WDR70: variants seen among roughly 807,000 people sequenced by gnomAD.
WDR70 encodes the protein WD repeat-containing protein 70.
In WDR70, 53 loss-of-function variants were observed where a neutral mutation model predicts 88.6. The ratio of observed to expected loss-of-function variants is 0.60; its 90% confidence interval spans 0.48 to 0.75. WDR70 has a LOEUF of 0.75. Ranked by LOEUF, WDR70 falls within the 30% of genes least tolerant of loss-of-function variation. The pLI is 0.00. For missense variants in WDR70, 610 were observed against 823.2 expected, an observed-to-expected ratio of 0.74 and a Z score of 3.17; for synonymous variants, 280 against 270.0, an observed-to-expected ratio of 1.04 and a Z score of -0.36.
rs1740890082 is a variant in WDR70 at position 37,516,547 on chromosome 5, C to T, written c.874C>T (p.His292Tyr). The T allele has an allele frequency of 6.2e-7, 1 of 1,606,128 alleles. No individual in the cohort carries two copies. The highest frequency in any genetic ancestry group is 8.5e-7 in the Non-Finnish European group (1 of 1,174,856). The change falls in exon 9 of 18, where the codon CAT becomes TAT. Residue 292 changes from histidine to tyrosine, a missense_variant. Physicochemically the swap from His to Tyr is moderately conservative, Grantham distance 83. This residue lies in a region of WDR70 where 83 missense variants were observed against 155.3 expected (regional missense o/e 0.53). Coordinates refer to ENST00000265107, the MANE Select transcript of WDR70 (RefSeq NM_018034.4). ...HTAMLHTGSW[H>Y]PKIKGEFMTC... is the part of the protein sequence containing the mutation. ...AGCAATGCTTCATACTGGCTCATGG[C>T]ATCCCAAAATAAAGGGAGAATTTAT...
At chr5:37,414,603 T>G (rs1749636407) in intron 5 of WDR70, among the ~76,000 whole-genome samples, 1 of 130,284 alleles carries the variant, frequency 7.7e-6, no homozygotes, top group Non-Finnish European at 1.5e-5. Flanking sequence ...GACAGTCTGT[T>G]TTTTTTTTTT....
At chr5:37,675,016 C>T (rs1354875495) in intron 10 of WDR70, among the ~76,000 whole-genome samples, 3 of 151,406 alleles carry the variant, frequency 2.0e-5, no homozygotes, top group Admixed American at 1.3e-4. Flanking sequence ...TGTTTTTTGG[C>T]TGCATAAATG....
At chr5:37,502,489 C>T (rs1172185820) in intron 8 of WDR70, among the ~76,000 whole-genome samples, 1 of 152,078 alleles carries the variant, frequency 6.6e-6, no homozygotes, top group East Asian at 1.9e-4. Context: ...TTGTTTTTAT[C>T]ATAAAGGGAT....
At chr5:37,709,901 G>T (rs1327311878) in intron 13 of WDR70, among the ~76,000 whole-genome samples, 1 of 152,066 alleles carries the variant, frequency 6.6e-6, no homozygotes, top group Non-Finnish European at 1.5e-5. Context: ...TAATTTAAAT[G>T]GGAATTTGAA....
intron 9 of WDR70, among the ~76,000 whole-genome samples, chr5:37,544,691 A>G (rs1741933652): frequency 6.6e-6 from 1 of 152,198 alleles, no homozygotes; most frequent in Non-Finnish European, 1.5e-5. Context: ...TTGATTCCCA[A>G]GATTCTAACC....
chr5:37,392,168 GTTTA>G (rs749060811), intron 4 of WDR70, 48 bp downstream of exon 4: 129 of 1,404,454 alleles, frequency 9.2e-5, no homozygotes, highest in Non-Finnish European at 1.2e-4. Flanking sequence ...GTTTCTAGGT[GTTTA>G]TAGAGTTTTT....
intron 3 of WDR70, among the ~76,000 whole-genome samples, chr5:37,381,982 G>A (rs1748439788): frequency 7.0e-6 from 1 of 143,216 alleles, no homozygotes; most frequent in East Asian, 2.2e-4. Context: ...GAAGTCGGGA[G>A]GCAGAGGTTG....
At chr5:37,701,254 TGAGA>T (rs775804900) in intron 12 of WDR70, 112 bp downstream of exon 12, 70 of 669,496 alleles carry the variant, frequency 1.0e-4, no homozygotes, top group African/African-American at 1.7e-4. Flanking sequence ...AAAAGAGACT[TGAGA>T]GAGTGATCAA....
intron 5 of WDR70, among the ~76,000 whole-genome samples, chr5:37,424,225 T>C (rs1200835087): frequency 6.6e-6 from 1 of 150,632 alleles, no homozygotes; most frequent in African/African-American, 2.4e-5. Context: ...TTGTGTGTTT[T>C]TGGAATTAAA....
At chr5:37,643,808 T>A (rs62360879) in intron 10 of WDR70, among the ~76,000 whole-genome samples, 3,244 of 152,190 alleles carry the variant, frequency 0.021, 50 homozygotes, top group Middle Eastern at 0.038. Context: ...CATATAGTAA[T>A]GCTACTGACT....
chr5:37,706,716 TACACAC>T (rs58482881), intron 13 of WDR70, among the ~76,000 whole-genome samples: 1 of 149,782 alleles, frequency 6.7e-6, no homozygotes, highest in Non-Finnish European at 1.5e-5. Context: ...AACAGAGTAA[TACACAC>T]ACACACACAC....
At chr5:37,382,842 G>A (rs1581237842) in intron 3 of WDR70, among the ~76,000 whole-genome samples, 3 of 151,992 alleles carry the variant, frequency 2.0e-5, no homozygotes, top group African/African-American at 4.8e-5. Context: ...GTGAAACCCC[G>A]TCTTGACTGA....
At chr5:37,737,932 G>A (rs1385963645) in intron 17 of WDR70, among the ~76,000 whole-genome samples, 1 of 151,254 alleles carries the variant, frequency 6.6e-6, no homozygotes, top group African/African-American at 2.4e-5. Context: ...ATGAGCCTGA[G>A]ATGTGTTTAT....
chr5:37,409,122 A>G (rs1749444630), intron 5 of WDR70, among the ~76,000 whole-genome samples: 1 of 151,988 alleles, frequency 6.6e-6, no homozygotes, highest in African/African-American at 2.4e-5. Flanking sequence ...TATTTTTAGT[A>G]GAGATGGGGT....
intron 5 of WDR70, among the ~76,000 whole-genome samples, chr5:37,402,541 A>G (rs1425094361): frequency 6.6e-6 from 1 of 152,102 alleles, no homozygotes; most frequent in African/African-American, 2.4e-5. Context: ...TTTGGGGTAT[A>G]TATGACAATT....
chr5:37,425,729 G>A (rs1217546060), intron 5 of WDR70, among the ~76,000 whole-genome samples: 8 of 152,080 alleles, frequency 5.3e-5, no homozygotes, highest in Non-Finnish European at 2.9e-5. Context: ...TGATTTTTGA[G>A]TAATGGCATA....
At chr5:37,746,351 A>G (rs1421758310) in intron 17 of WDR70, among the ~76,000 whole-genome samples, 1 of 152,182 alleles carries the variant, frequency 6.6e-6, no homozygotes, top group Non-Finnish European at 1.5e-5. Context: ...ACACCCTAAC[A>G]TCACAATTAA....
chr5:37,750,489 G>A (rs1283260540), intron 17 of WDR70, among the ~76,000 whole-genome samples: 1 of 152,198 alleles, frequency 6.6e-6, no homozygotes, highest in East Asian at 1.9e-4. Context: ...AGCTATGATT[G>A]TGCCACTGCA....
chr5:37,676,855 A>G lies in WDR70; in HGVS notation c.1093-20800A>G, dbSNP rs192540366. On this transcript the variant is annotated intron_variant, in intron 10 of 17. Coordinates refer to ENST00000265107, the MANE Select transcript of WDR70 (RefSeq NM_018034.4). ...TCTGGTAGAATTTGGCTGTGAATCC[A>G]TCTGGTCTTGGACTCTTTTTGGTTG... Among the ~76,000 whole-genome samples the G allele has an allele frequency of 3.0e-3, 459 of 152,262 alleles. 6 individuals are homozygous for G. The highest frequency in any genetic ancestry group is 0.011 in the African/African-American group (443 of 41,536).
Sources: gnomAD v4.1 joint callset for allele counts (sites outside exome capture counted in the v4.1 genomes callset) on GRCh38, gnomAD v4.1.1 for gene constraint, gnomAD v4.1.1 regional missense constraint, MANE v1.5 for transcripts, NCBI Gene and HGNC (gene_info 2026-07-23, HGNC 2026-07-21) for gene names.